DRP2: variants seen among roughly 807,000 people sequenced by gnomAD.
DRP2 encodes dystrophin-related protein 2.
A neutral mutation model predicts 78.2 loss-of-function variants in DRP2; 29 were observed. That is an observed-to-expected ratio of 0.37 (90% CI 0.28 to 0.51). The LOEUF (loss-of-function observed/expected upper bound fraction) is 0.51. Ranked by LOEUF, DRP2 falls within the 20% of genes least tolerant of loss-of-function variation. The pLI is 0.94. For missense variants in DRP2, 686 were observed against 770.6 expected, an observed-to-expected ratio of 0.89 and a Z score of 1.30; for synonymous variants, 290 against 281.9, an observed-to-expected ratio of 1.03 and a Z score of -0.29.
chrX:101,236,061 T>C (rs1315519288), intron 4 of DRP2, 38 bp downstream of exon 4: 4 of 1,195,683 alleles, frequency 3.3e-6, no homozygotes. Context: ...GCTTAGATGG[T>C]GTTGGGCTCC....
chrX:101,251,788 C>T (rs2147348964), intron 16 of DRP2: 1 of 112,179 alleles, frequency 8.9e-6, no homozygotes, highest in South Asian at 3.8e-4. Context: ...ATACCTGTGA[C>T]CAACTTAAGG....
rs1424925007 is a variant in DRP2 at position 101,229,253 on chromosome X, A to G, written c.-63-2332A>G. On this transcript the variant is annotated intron_variant, in intron 2 of 23. Transcript: ENST00000395209. ...CTCTTGTAGCCTTTATGCTTATAAC[A>G]CATCCATAGCAGTACTTCATTTTTT... Among the ~76,000 whole-genome samples, 3 of 112,412 alleles carry G rather than the reference A, an allele frequency of 2.7e-5. No homozygotes were observed. The East Asian group carries it at 8.3e-4, about 31-fold the overall frequency.
At chrX:101,251,248 T>A (rs1307484161) in intron 16 of DRP2, 165 bp downstream of exon 16, 5 of 487,025 alleles carry the variant, frequency 1.0e-5, no homozygotes, top group African/African-American at 2.4e-5. Context: ...AATGTTTAAT[T>A]GTTTTTAAAT....
At position 101,261,294 on chromosome X, in the gene DRP2, A is replaced by G. The variant is rs1342913738; in HGVS notation, c.*673A>G. 1 of 111,158 alleles carries G rather than the reference A, an allele frequency of 9.0e-6. No homozygotes were observed. The highest frequency in any genetic ancestry group is 2.8e-4 in the East Asian group (1 of 3,565). 9.2% of individuals were successfully genotyped at this position (111,158 alleles called of 1,213,427 possible). ...GAGAACAGTTCATTCTGGTTCTTCT[A>G]CGTTATATTTGGAAGCATTAAATCC... On this transcript the variant is annotated 3_prime_UTR_variant, in exon 24 of 24. Coordinates refer to ENST00000395209, the MANE Select transcript of DRP2 (RefSeq NM_001939.3).
At chrX:101,244,779 G>T (rs1444021096) in intron 9 of DRP2, among the ~76,000 whole-genome samples, 1 of 112,539 alleles carries the variant, frequency 8.9e-6, no homozygotes, top group African/African-American at 3.2e-5. Flanking sequence ...CACATCTCTG[G>T]TATGTTAGGA....
At chrX:101,247,201 A>AC in intron 12 of DRP2, 37 bp downstream of exon 12, 1 of 1,115,885 alleles carries the variant, frequency 9.0e-7, no homozygotes, top group Non-Finnish European at 1.2e-6. Context: ...GACGTTCACC[A>AC]CCCCTCTCCT....
chrX:101,236,560 A>AT (rs1220536902), intron 4 of DRP2, among the ~76,000 whole-genome samples: 7 of 111,463 alleles, frequency 6.3e-5, no homozygotes, highest in Non-Finnish European at 1.1e-4. Context: ...CCTGAAGTCA[A>AT]TTTTTTTCTC....
Position 101,264,093 on chromosome X carries a change from G to A in DRP2, c.*3472G>A, listed in dbSNP as rs955074422. On this transcript the variant is annotated 3_prime_UTR_variant, in exon 24 of 24. Transcript: ENST00000395209. ...GCTGTGGAGACTTAATTCTTCAGCTGGGTGGTTCCCGTAGGAACAAGGAAC... is the reference window on the plus strand; with the variant it reads ...GCTGTGGAGACTTAATTCTTCAGCTAGGTGGTTCCCGTAGGAACAAGGAAC... The A allele has an allele frequency of 1.7e-4, 19 of 112,254 alleles. No homozygotes were observed. Among genetic ancestry groups the A allele is most frequent in the Admixed American group, 1.5e-3 (16 of 10,566 alleles). The allele number at this position is 112,254 out of a possible 1,213,427, so 9.3% of individuals were successfully genotyped here.
At chrX:101,256,839 ATGAGCCAC>A (rs2147352973) in intron 21 of DRP2, among the ~76,000 whole-genome samples, 1 of 107,362 alleles carries the variant, frequency 9.3e-6, no homozygotes, top group South Asian at 4.2e-4. Flanking sequence ...GATTACAGGC[ATGAGCCAC>A]TGTGCCTGGC....
intron 14 of DRP2, among the ~76,000 whole-genome samples, chrX:101,250,190 C>A (rs1026134152): frequency 6.3e-5 from 7 of 111,212 alleles, no homozygotes; most frequent in Admixed American, 5.7e-4. Context: ...GTCTCCCCCT[C>A]CCCCTGATAT....
In DRP2 at chrX:101,263,550, A is replaced by G. The variant is rs955190272; in HGVS notation, c.*2929A>G. The G allele has an allele frequency of 6.8e-4, 76 of 112,339 alleles. No individual in the cohort carries two copies. Among genetic ancestry groups the G allele is most frequent in the African/African-American group, 2.4e-3 (75 of 30,929 alleles). 9.3% of individuals were successfully genotyped at this position (112,339 alleles called of 1,213,427 possible). A position where few individuals can be genotyped will look rare whatever the true frequency, so the allele number is the denominator to read the frequency against. ...CGAGGATACCTCTGCTTCCAGTGAC[A>G]GCAGAGTGGATTCACATTGATTGGG... On this transcript the variant is annotated 3_prime_UTR_variant, in exon 24 of 24. Coordinates refer to ENST00000395209, the MANE Select transcript of DRP2 (RefSeq NM_001939.3).
At chrX:101,241,465 GT>G (rs11443859) in intron 6 of DRP2, among the ~76,000 whole-genome samples, 14 of 108,814 alleles carry the variant, frequency 1.3e-4, no homozygotes, top group East Asian at 2.9e-4. Context: ...AAAATAAACA[GT>G]TTTTTTTTAA....
chrX:101,243,839 G>T (rs1309190319), intron 9 of DRP2, among the ~76,000 whole-genome samples: 1 of 111,906 alleles, frequency 8.9e-6, no homozygotes, highest in East Asian at 2.8e-4. Context: ...TTTTGAACAG[G>T]GTGGTTAGCA....
In DRP2 at chrX:101,260,163, G is replaced by A. The variant is rs1311954052; in HGVS notation, c.2743G>A (p.Ala915Thr). ...GGGACAGACTACTCCAGATACCGAG[G>A]CTGCAGGTGAGTTCCCCTGGCCTTT... Reference protein sequence around the residue: ...EKGQTTPDTEAADDVGSKSQD... With the variant: ...EKGQTTPDTETADDVGSKSQD... Residue 915 changes from alanine to threonine, a missense_variant, in exon 23 of 24, where the codon GCT becomes ACT. Ala to Thr is a moderately conservative substitution (Grantham distance 58). Transcript: ENST00000395209. 6 of 1,209,263 alleles carry A rather than the reference G, an allele frequency of 5.0e-6. No homozygotes were observed. The highest frequency in any genetic ancestry group is 3.0e-5 in the East Asian group (1 of 33,711).
chrX:101,250,602 G>C, intron 15 of DRP2, 22 bp downstream of exon 15: 1 of 1,172,116 alleles, frequency 8.5e-7, no homozygotes, highest in Non-Finnish European at 1.1e-6. Context: ...ACTGGGGAGT[G>C]GGGGAGGGAA....
chrX:101,252,639 T>G lies in DRP2; in HGVS notation c.1900T>G (p.Cys634Gly). ...RSLKQFNVDICQTCFLTGRAS... is the reference protein window; with the variant it reads ...RSLKQFNVDIGQTCFLTGRAS... Reference sequence around the variant, plus strand: ...TCTGAAGCAATTCAACGTTGACATCTGCCAGACCTGCTTCTTGACAGGCAG... The same window carrying G: ...TCTGAAGCAATTCAACGTTGACATCGGCCAGACCTGCTTCTTGACAGGCAG... The change falls in exon 17 of 24, where the codon TGC becomes GGC. Residue 634 changes from cysteine to glycine, a missense_variant. Coordinates refer to ENST00000395209, the MANE Select transcript of DRP2 (RefSeq NM_001939.3). 1 of 1,211,986 alleles carries G rather than the reference T, an allele frequency of 8.3e-7. No homozygotes were observed. The highest frequency in any genetic ancestry group is 1.1e-6 in the Non-Finnish European group (1 of 895,489).
chrX:101,241,290 C>T (rs1922715007), intron 6 of DRP2, among the ~76,000 whole-genome samples: 1 of 109,204 alleles, frequency 9.2e-6, no homozygotes, highest in African/African-American at 3.3e-5. Flanking sequence ...ACAAGTAAAA[C>T]TGGGGAAACT....
intron 9 of DRP2, 135 bp downstream of exon 9, chrX:101,243,117 G>C (rs1922793047): frequency 3.8e-6 from 2 of 525,331 alleles, no homozygotes; most frequent in Non-Finnish European, 6.1e-6. Flanking sequence ...AAAACAGTGT[G>C]GTATAGTGGT....
At chrX:101,252,141 TTATTA>T (rs1452068263) in intron 16 of DRP2, among the ~76,000 whole-genome samples, 1 of 112,138 alleles carries the variant, frequency 8.9e-6, no homozygotes, top group Non-Finnish European at 1.9e-5. Context: ...AATAGGTATA[TTATTA>T]TGAACAACCT....
Sources: allele counts gnomAD v4.1 joint callset (sites outside exome capture counted in the v4.1 genomes callset), GRCh38; gene constraint gnomAD v4.1.1; transcripts MANE v1.5; gene names NCBI Gene and HGNC (gene_info 2026-07-23, HGNC 2026-07-21).